Variants in EOMES observed in about 807,000 individuals in gnomAD.
The protein encoded by EOMES is eomesodermin homolog.
In EOMES, 18 loss-of-function variants were observed where a neutral mutation model predicts 61.0. The ratio of observed to expected loss-of-function variants is 0.30; its 90% CI spans 0.20 to 0.44. EOMES has a LOEUF of 0.44. EOMES is among the 20% of genes least tolerant of loss of function. The pLI, the probability that EOMES is intolerant of heterozygous loss-of-function variation, is 1.00. For missense variants in EOMES, 885 were observed against 939.2 expected (o/e 0.94, Z 0.75); for synonymous variants, 430 against 394.0 (o/e 1.09, Z -1.08).
chr3:27,721,979 C>T lies in EOMES; in HGVS notation c.316G>A (p.Gly106Ser). ...AGCTCCTCCTCCCCGCAGGGGGAGCCCTTGCGGCCGTCCGGGGGCCCCGGC... is the reference window on the plus strand; with the variant it reads ...AGCTCCTCCTCCCCGCAGGGGGAGCTCTTGCGGCCGTCCGGGGGCCCCGGC... Reference protein sequence around the residue: ...AKPGPPDGRKGSPCGEEELPS... With the variant: ...AKPGPPDGRKSSPCGEEELPS... Residue 106 changes from glycine (G) to serine (S), a missense_variant, in exon 1 of 6, where the codon GGC becomes AGC. Gly to Ser is a moderately conservative substitution (Grantham distance 56). Transcript: ENST00000449599. This position sits in a 1 kb window ranked among gnomAD's most constrained non-coding sequence, Gnocchi z 7.4. 1.1e-5 allele frequency: 16 copies of T among 1,461,112 alleles called. No homozygotes were observed. Among genetic ancestry groups the T allele is most frequent in the Non-Finnish European group, 1.4e-5 (16 of 1,114,524 alleles). 90.5% of individuals were successfully genotyped at this position (1,461,112 alleles called of 1,614,324 possible). A position where few individuals can be genotyped will look rare whatever the true frequency, so the allele number is the denominator to read the frequency against.
In EOMES at chr3:27,716,393, T is replaced by TG. The variant is rs1176428868; in HGVS notation, c.*676_*677insC. On this transcript the variant is annotated 3_prime_UTR_variant, in exon 6 of 6. Transcript: ENST00000449599. ...AATTCTCCCTTTTTTTTTTTTTTTT[T>TG]TTTGGTGACTCCTTAGCTTGCTCTC... 1 of 150,426 alleles carries TG rather than the reference T, an allele frequency of 6.6e-6. No homozygotes were observed. The highest frequency in any genetic ancestry group is 2.5e-5 in the African/African-American group (1 of 40,454). The allele number at this position is 150,426 out of a possible 1,614,324, so 9.3% of individuals were successfully genotyped here.
rs760857084 is a variant in EOMES, at chr3:27,721,570, G to T, written c.725C>A (p.Pro242Gln). Residue 242 changes from proline (P) to glutamine (Q), a missense_variant, in exon 1 of 6, where the codon CCG (proline) becomes CAG (glutamine). By Grantham distance (76) the Pro-to-Gln change is moderately conservative. Coordinates refer to ENST00000449599, the MANE Select transcript of EOMES (RefSeq NM_001278182.2). This position sits in a 1 kb window ranked among gnomAD's most constrained non-coding sequence, Gnocchi z 7.4. ...QYSQGAPLYG[P>Q]YPGAAAAGSC... Reference sequence around the variant, plus strand: ...TCCCGCCGCTGCGGCTCCAGGGTACGGCCCGTAGAGCGGAGCCCCCTGGCT... The same window carrying T: ...TCCCGCCGCTGCGGCTCCAGGGTACTGCCCGTAGAGCGGAGCCCCCTGGCT... The T allele has an allele frequency of 6.3e-7, 1 of 1,594,356 alleles. No individual in the cohort carries two copies. Among genetic ancestry groups the T allele is most frequent in the Non-Finnish European group, 8.5e-7 (1 of 1,171,698 alleles).
chr3:27,720,376 G>C (rs1190417196), intron 1 of EOMES, 51 bp from the exon 2 acceptor site: 3 of 1,547,846 alleles, frequency 1.9e-6, no homozygotes, highest in Non-Finnish European at 8.9e-7. Context: ...GGATGTCCTA[G>C]AACAGGCCCA....
At chr3:27,722,582 C>T, upstream of EOMES, 1 of 1,217,626 alleles carries the variant, frequency 8.2e-7, no homozygotes, top group Non-Finnish European at 1.0e-6. Flanking sequence ...CTCCTCAGGA[C>T]CCCCACCCTC....
chr3:27,721,316 C>T lies in EOMES; in HGVS notation c.881+98G>A. ...GCGGTGAAACACTCTAAGCACCGCG[C>T]GGAACAACTGGGTTCAGCTCCCTCA... On this transcript the variant is annotated intron_variant, in intron 1 of 5. Coordinates refer to ENST00000449599, the MANE Select transcript of EOMES (RefSeq NM_001278182.2). This position sits in a 1 kb window ranked among gnomAD's most constrained non-coding sequence, Gnocchi z 7.4. 1 of 994,294 alleles carries T rather than the reference C, an allele frequency of 1.0e-6. No individual in the cohort carries two copies. The highest frequency in any genetic ancestry group is 1.5e-6 in the Non-Finnish European group (1 of 667,040). The allele number at this position is 994,294 out of a possible 1,614,324, so 61.6% of individuals were successfully genotyped here. A position where few individuals can be genotyped will look rare whatever the true frequency, so the allele number is the denominator to read the frequency against.
upstream of EOMES, chr3:27,722,704 A>G (rs2060626431): frequency 1.6e-5 from 16 of 1,003,606 alleles, no homozygotes; most frequent in Middle Eastern, 1.0e-3. Context: ...CAAGTTGACC[A>G]CTTGGAAACT....
rs1042875618 is a variant in EOMES, at chr3:27,721,026, C to T, written c.881+388G>A. On this transcript the variant is annotated intron_variant, in intron 1 of 5. Coordinates refer to ENST00000449599, the MANE Select transcript of EOMES (RefSeq NM_001278182.2). The surrounding 1 kb of genome is among the most constrained non-coding windows in gnomAD (Gnocchi z 7.4). ...GAGCCCATCTACTGCGCTCAGGTGG[C>T]CAGCTCTTGAGCCTTCCCTATCCGT... Among the ~76,000 whole-genome samples, 2 of 152,224 alleles carry T rather than the reference C, an allele frequency of 1.3e-5. No homozygotes were observed. The highest frequency in any genetic ancestry group is 1.9e-4 in the East Asian group (1 of 5,178).
In EOMES at chr3:27,722,097, C is replaced by T; in HGVS notation, c.198G>A (p.Gly66=). 6.5e-7 allele frequency: 1 copy of T among 1,548,798 alleles called. No homozygotes were observed. The highest frequency in any genetic ancestry group is 1.2e-5 in the South Asian group (1 of 83,968). The stretch of plus-strand genomic sequence containing the variant: ...CCCCTGCGCTGGCGGCTGCGGGCTC[C>T]CCGCTCACCGCCTCGCAGGAGAGAC... ...SGSLSCEAVS[G]EPAAASAGAP... Residue 66 remains glycine, a synonymous_variant, in exon 1 of 6, where the codon GGG becomes GGA. Transcript: ENST00000449599.
At chr3:27,720,019 C>G in intron 2 of EOMES, 152 bp downstream of exon 2, 1 of 668,544 alleles carries the variant, frequency 1.5e-6, no homozygotes. Context: ...CTCCGTCAAA[C>G]AAGCAACTCA....
chr3:27,721,780 G>C lies in EOMES; in HGVS notation c.515C>G (p.Pro172Arg). 2.0e-6 allele frequency: 3 copies of C among 1,499,520 alleles called. No individual in the cohort carries two copies. Among genetic ancestry groups the C allele is most frequent in the Non-Finnish European group, 2.6e-6 (3 of 1,136,446 alleles). The allele number at this position is 1,499,520 out of a possible 1,614,324, so 92.9% of individuals were successfully genotyped here. A position where few individuals can be genotyped will look rare whatever the true frequency, so the allele number is the denominator to read the frequency against. Residue 172 changes from proline to arginine, a missense_variant, in exon 1 of 6, where the codon CCC becomes CGC. Around this residue, in one of 3 missense-constraint regions of EOMES, gnomAD observed 449 missense variants for 383.6 expected, o/e 1.17. Transcript: ENST00000449599. The surrounding 1 kb of genome is among the most constrained non-coding windows in gnomAD (Gnocchi z 7.4). ...LFPYQAAAGA[P>R]HGPVYPAPNG... ...AGGAGCCGGGTACACAGGTCCGTGG[G>C]GCGCCCCAGCCGCCGCCTGGTACGG...
rs147676215 is a variant in EOMES at position 27,718,876 on chromosome 3, G to A, written c.1176C>T (p.Ser392=). The change falls in exon 4 of 6, where the codon TCC becomes TCT. Residue 392 remains serine, a synonymous_variant. Coordinates refer to ENST00000449599, the MANE Select transcript of EOMES (RefSeq NM_001278182.2). ...NNNTQMIVLQ[S]LHKYQPRLHI... ...GCAGTCGGGGTTGGTATTTGTGTAA[G>A]GATTGTAAGACTATCATCTGGAAAG... The A allele has an allele frequency of 5.6e-4, 911 of 1,612,780 alleles. 2 individuals are homozygous for A. In the Middle Eastern group the frequency reaches 0.011, roughly 20 times the overall value.
Position 27,716,752 on chromosome 3 carries a change from G to A in EOMES, c.*318C>T, listed in dbSNP as rs978850612. 3 of 279,316 alleles carry A rather than the reference G, an allele frequency of 1.1e-5. No homozygotes were observed. Among genetic ancestry groups the A allele is most frequent in the African/African-American group, 2.2e-5 (1 of 45,880 alleles). The allele number at this position is 279,316 out of a possible 1,614,324, so 17.3% of individuals were successfully genotyped here. ...GTTTTAACTCATCTGATAGCACTGG[G>A]CACCCAATGTTCACAGCCTGCTTCT... On this transcript the variant is annotated 3_prime_UTR_variant, in exon 6 of 6. Coordinates refer to ENST00000449599, the MANE Select transcript of EOMES (RefSeq NM_001278182.2).
At position 27,716,826 on chromosome 3, in the gene EOMES, C is replaced by T. The variant is rs75816802; in HGVS notation, c.*244G>A. On this transcript the variant is annotated 3_prime_UTR_variant, in exon 6 of 6. Coordinates refer to ENST00000449599, the MANE Select transcript of EOMES (RefSeq NM_001278182.2). ...TAAATAAATACAGAACCTTGGATAC[C>T]CTTCGAATTTTAAAATACCTTAAAG... 7,870 of 471,566 alleles carry T rather than the reference C, an allele frequency of 0.017. 89 individuals are homozygous for T. The highest frequency in any genetic ancestry group is 0.025 in the South Asian group (662 of 26,658). The allele number at this position is 471,566 out of a possible 1,614,324, so 29.2% of individuals were successfully genotyped here. A position where few individuals can be genotyped will look rare whatever the true frequency, so the allele number is the denominator to read the frequency against.
intron 5 of EOMES, 139 bp downstream of exon 5, chr3:27,718,448 A>G: frequency 1.8e-6 from 1 of 561,856 alleles, no homozygotes; most frequent in East Asian, 3.0e-5. Flanking sequence ...TTAGTAAAGG[A>G]AAAAATTTTG....
rs757181277 is a variant in EOMES at position 27,720,531 on chromosome 3, C to CAAAAAA, written c.882-212_882-207dup. On this transcript the variant is annotated intron_variant, in intron 1 of 5. Transcript: ENST00000449599. ...AACTCTTGGAACCTTTCCGTCTTTT[C>CAAAAAA]AAAAAAAAAAAAAAAAAAAAAAAAA... 3.7e-4 allele frequency among the ~76,000 whole-genome samples: 23 copies of CAAAAAA among 62,318 alleles called. 4 individuals are homozygous for CAAAAAA. The highest frequency in any genetic ancestry group is 5.0e-4 in the Non-Finnish European group (16 of 32,050). 40.9% of individuals were successfully genotyped at this position (62,318 alleles called of 152,430 possible).
Position 27,717,879 on chromosome 3 carries a change from A to T in EOMES, c.1380-71T>A. The T allele has an allele frequency of 8.5e-7, 1 of 1,170,110 alleles. No individual in the cohort carries two copies. Among genetic ancestry groups the T allele is most frequent in the Non-Finnish European group, 1.2e-6 (1 of 856,194 alleles). The allele number at this position is 1,170,110 out of a possible 1,614,324, so 72.5% of individuals were successfully genotyped here. A position where few individuals can be genotyped will look rare whatever the true frequency, so the allele number is the denominator to read the frequency against. On this transcript the variant is annotated intron_variant, in intron 5 of 5. Coordinates refer to ENST00000449599, the MANE Select transcript of EOMES (RefSeq NM_001278182.2). This position sits in a 1 kb window ranked among gnomAD's most constrained non-coding sequence, Gnocchi z 4.5. ...GTTGTCCCCAAACAAACCACCTCCC[A>T]GAAATGAAAAAGGCTTGTGTTGGTT...
rs940761402 is a variant in EOMES, at chr3:27,718,907, A to G, written c.1159-14T>C. 1.3e-6 allele frequency: 2 copies of G among 1,584,272 alleles called. No homozygotes were observed. Among genetic ancestry groups the G allele is most frequent in the Non-Finnish European group, 1.7e-6 (2 of 1,165,326 alleles). On this transcript the variant is annotated splice_polypyrimidine_tract_variant and intron_variant, in intron 3 of 5. Coordinates refer to ENST00000449599, the MANE Select transcript of EOMES (RefSeq NM_001278182.2). ...TAAGACTATCATCTGGAAAGAGTAC[A>G]GAAAAAAATTGCTAAATCTAAAAAG...
upstream of EOMES, chr3:27,722,544 C>T (rs1314053890): frequency 8.4e-6 from 11 of 1,309,200 alleles, no homozygotes; most frequent in Non-Finnish European, 1.9e-6. Flanking sequence ...CCCAGAAGCC[C>T]TCTCCTTTTC....
chr3:27,717,446 C>G lies in EOMES; in HGVS notation c.1742G>C (p.Gly581Ala), dbSNP rs761408863. 2.5e-6 allele frequency: 4 copies of G among 1,614,068 alleles called. No homozygotes were observed. The highest frequency in any genetic ancestry group is 3.4e-6 in the Non-Finnish European group (4 of 1,180,052). Residue 581 changes from glycine to alanine, a missense_variant, in exon 6 of 6, where the codon GGG becomes GCG. By Grantham distance (60) the Gly-to-Ala change is moderately conservative. Coordinates refer to ENST00000449599, the MANE Select transcript of EOMES (RefSeq NM_001278182.2). This position sits in a 1 kb window ranked among gnomAD's most constrained non-coding sequence, Gnocchi z 4.5. ...AGGAAAGGTTGGGTCTGGGTAATAC[C>G]CCAGGGCATGGGATGTCTGAAGGGG... Reference protein sequence around the residue: ...SLPLQTSHALGYYPDPTFPAM... With the variant: ...SLPLQTSHALAYYPDPTFPAM...
Sources: allele counts gnomAD v4.1 joint callset (sites outside exome capture counted in the v4.1 genomes callset), GRCh38; gene constraint gnomAD v4.1.1; regional missense constraint gnomAD v4.1.1; non-coding constraint Gnocchi (gnomAD v3.1); transcripts MANE v1.5; gene names NCBI Gene and HGNC (gene_info 2026-07-23, HGNC 2026-07-21).